The following ANTXR2 variants were observed in gnomAD, a reference collection of about 807,000 sequenced individuals.
ANTXR2 encodes the protein anthrax toxin receptor 2.
In ANTXR2, 44 loss-of-function variants were observed where a neutral mutation model predicts 73.7. That is an observed-to-expected ratio of 0.60 (90% CI 0.47 to 0.77). The LOEUF (loss-of-function observed/expected upper bound fraction) is 0.77. ANTXR2 is among the 30% of genes least tolerant of loss of function. The pLI is 0.00. For missense variants in ANTXR2, 604 were observed against 592.5 expected, an observed-to-expected ratio of 1.02 and a Z score of -0.20; for synonymous variants, 217 against 205.9, an observed-to-expected ratio of 1.05 and a Z score of -0.46.
intron 7 of ANTXR2, among the ~76,000 whole-genome samples, chr4:80,040,614 G>A (rs1159821547): frequency 6.6e-6 from 1 of 151,998 alleles, no homozygotes; most frequent in African/African-American, 2.4e-5. Context: ...AGAGCTAACA[G>A]CACCATAGAC....
At chr4:79,949,542 T>G (rs1276276587) in intron 16 of ANTXR2, among the ~76,000 whole-genome samples, 1 of 152,132 alleles carries the variant, frequency 6.6e-6, no homozygotes, top group Non-Finnish European at 1.5e-5. Context: ...TGAACAAATC[T>G]CAGTGTCTTC....
chr4:79,907,574 T>C, intron 16 of ANTXR2, 107 bp from the exon 17 acceptor site: 3 of 1,227,800 alleles, frequency 2.4e-6, no homozygotes, highest in Non-Finnish European at 3.5e-6. Flanking sequence ...CCAAGGAAAG[T>C]ACCATGTTAA....
At chr4:79,985,098 C>T (rs1273276752) in intron 12 of ANTXR2, among the ~76,000 whole-genome samples, 2 of 151,910 alleles carry the variant, frequency 1.3e-5, no homozygotes, top group African/African-American at 4.8e-5. Flanking sequence ...CCTGTAATCC[C>T]AGCACTTTGG....
In ANTXR2 at chr4:79,904,806, C is replaced by G. The variant is rs950933867; in HGVS notation, c.*2623G>C. ...AGAAAATCAAACAGAAGCTATTTCTCTATATAAAATATAAAGTGCCATTAA... is the reference window on the plus strand; with the variant it reads ...AGAAAATCAAACAGAAGCTATTTCTGTATATAAAATATAAAGTGCCATTAA... On this transcript the variant is annotated 3_prime_UTR_variant, in exon 17 of 17. Coordinates refer to ENST00000403729, the MANE Select transcript of ANTXR2 (RefSeq NM_058172.6). 1.3e-5 allele frequency: 2 copies of G among 152,040 alleles called. No individual in the cohort carries two copies. The highest frequency in any genetic ancestry group is 4.8e-5 in the African/African-American group (2 of 41,394). The allele number at this position is 152,040 out of a possible 1,614,324, so 9.4% of individuals were successfully genotyped here.
At chr4:80,070,996 G>A (rs1734759948) in intron 2 of ANTXR2, among the ~76,000 whole-genome samples, 1 of 152,098 alleles carries the variant, frequency 6.6e-6, no homozygotes, top group Non-Finnish European at 1.5e-5. Flanking sequence ...TACCAGTAAT[G>A]CTTTTTATAG....
At position 79,984,869 on chromosome 4, in the gene ANTXR2, A is replaced by G; in HGVS notation, c.1042-6T>C. ...GGTGGAGGATCCTTAATAACCTGTC[A>G]AAAAAAATCAAATATAAAAATTTCT... On this transcript the variant is annotated splice_polypyrimidine_tract_variant and splice_region_variant and intron_variant, in intron 12 of 16. Coordinates refer to ENST00000403729, the MANE Select transcript of ANTXR2 (RefSeq NM_058172.6). The G allele has an allele frequency of 6.3e-7, 1 of 1,578,520 alleles. No homozygotes were observed. The highest frequency in any genetic ancestry group is 8.6e-7 in the Non-Finnish European group (1 of 1,159,232).
At chr4:79,981,037 C>T (rs1029578463) in intron 14 of ANTXR2, among the ~76,000 whole-genome samples, 2 of 151,758 alleles carry the variant, frequency 1.3e-5, no homozygotes, top group Non-Finnish European at 2.9e-5. Flanking sequence ...ATGAGAGAAT[C>T]GAGAGAATCG....
At chr4:80,041,725 T>G (rs1733260637) in intron 7 of ANTXR2, among the ~76,000 whole-genome samples, 1 of 152,130 alleles carries the variant, frequency 6.6e-6, no homozygotes, top group Non-Finnish European at 1.5e-5. Context: ...AGTGTTTGGT[T>G]TTATGTTCCT....
chr4:80,014,397 T>C (rs1397401765), intron 11 of ANTXR2, among the ~76,000 whole-genome samples: 3 of 151,600 alleles, frequency 2.0e-5, no homozygotes, highest in Non-Finnish European at 2.9e-5. Context: ...TGAAACCCCG[T>C]CTCTACTAAA....
rs199499401 is a variant in ANTXR2, at chr4:79,907,464, G to A, written c.1432C>T (p.Arg478Trp). ...LMRPQEGDEG[R>W]CINFSRVPSQ ...GGAACTCGGGAGAAGTTTATGCACCGGCCCTGAAGAAAGAAATAAATCCAT... is the reference window on the plus strand; with the variant it reads ...GGAACTCGGGAGAAGTTTATGCACCAGCCCTGAAGAAAGAAATAAATCCAT... Residue 478 changes from arginine to tryptophan, a missense_variant, in exon 17 of 17, where the codon CGG becomes TGG. Coordinates refer to ENST00000403729, the MANE Select transcript of ANTXR2 (RefSeq NM_058172.6). 49 of 1,612,156 alleles carry A rather than the reference G, an allele frequency of 3.0e-5. No homozygotes were observed. The highest frequency in any genetic ancestry group is 1.8e-4 in the East Asian group (8 of 44,736).
chr4:80,021,749 T>C (rs940810535), intron 10 of ANTXR2, among the ~76,000 whole-genome samples: 3 of 152,092 alleles, frequency 2.0e-5, no homozygotes, highest in Non-Finnish European at 4.4e-5. Flanking sequence ...CTCATTCTAG[T>C]ATAATGTGGC....
intron 12 of ANTXR2, among the ~76,000 whole-genome samples, chr4:80,007,583 T>C (rs1164523910): frequency 1.3e-5 from 2 of 152,162 alleles, no homozygotes; most frequent in Non-Finnish European, 2.9e-5. Flanking sequence ...CTGGATTAGC[T>C]AAGTGCGTCC....
chr4:80,054,709 TA>T (rs1455166088), intron 6 of ANTXR2, among the ~76,000 whole-genome samples: 1 of 151,592 alleles, frequency 6.6e-6, no homozygotes, highest in Non-Finnish European at 1.5e-5. Context: ...TTCAAATATA[TA>T]AACCCTCAAA....
chr4:79,935,474 T>C (rs144756091), intron 16 of ANTXR2, among the ~76,000 whole-genome samples: 65 of 151,114 alleles, frequency 4.3e-4, no homozygotes, highest in Middle Eastern at 3.4e-3. Flanking sequence ...TAGAGAAACA[T>C]ACTGAACATC....
intron 16 of ANTXR2, among the ~76,000 whole-genome samples, chr4:79,951,857 G>A (rs1728720666): frequency 6.6e-6 from 1 of 152,064 alleles, no homozygotes; most frequent in Non-Finnish European, 1.5e-5. Context: ...AATTCATTTA[G>A]AAATTAATTA....
chr4:80,010,749 A>C (rs901017543), intron 11 of ANTXR2, among the ~76,000 whole-genome samples: 2 of 152,236 alleles, frequency 1.3e-5, no homozygotes, highest in Admixed American at 6.5e-5. Context: ...CCTTAAAAAA[A>C]GCCTCCATTA....
At chr4:80,040,682 C>T (rs1045167554) in intron 7 of ANTXR2, among the ~76,000 whole-genome samples, 3 of 151,820 alleles carry the variant, frequency 2.0e-5, no homozygotes, top group Admixed American at 2.0e-4. Context: ...TATGTTAAGT[C>T]ATGCACACAC....
intron 12 of ANTXR2, among the ~76,000 whole-genome samples, chr4:79,991,123 C>G (rs1196782188): frequency 6.6e-6 from 1 of 152,056 alleles, no homozygotes; most frequent in Non-Finnish European, 1.5e-5. Flanking sequence ...AACTAAAGAG[C>G]TTCTGCACAG....
At chr4:79,953,117 G>A (rs1395133902) in intron 16 of ANTXR2, among the ~76,000 whole-genome samples, 1 of 152,044 alleles carries the variant, frequency 6.6e-6, no homozygotes, top group Non-Finnish European at 1.5e-5. Flanking sequence ...AGAGGAGGCC[G>A]ACCTCCAGAT....
Sources: allele counts gnomAD v4.1 joint callset (sites outside exome capture counted in the v4.1 genomes callset), GRCh38; gene constraint gnomAD v4.1.1; transcripts MANE v1.5; gene names NCBI Gene and HGNC (gene_info 2026-07-23, HGNC 2026-07-21).